Variants in SNX25 observed in about 807,000 individuals in gnomAD.
The protein encoded by SNX25 is sorting nexin-25.
SNX25 carries 62 observed loss-of-function variants against 113.7 expected under a neutral mutation model. The ratio of observed to expected loss-of-function variants is 0.55; its 90% CI spans 0.44 to 0.67. The LOEUF (loss-of-function observed/expected upper bound fraction) is 0.67, where lower values mean the gene tolerates loss of function less well. SNX25 is among the 30% of genes least tolerant of loss of function. The pLI is 0.00. For missense variants in SNX25, 1,014 were observed against 1,161.0 expected (o/e 0.87, Z 1.84); for synonymous variants, 421 against 436.2 (o/e 0.97, Z 0.43).
At chr4:185,226,290 G>C (rs1740987867) in intron 1 of SNX25, among the ~76,000 whole-genome samples, 1 of 152,164 alleles carries the variant, frequency 6.6e-6, no homozygotes, top group Admixed American at 6.5e-5. Context: ...TAACAGCCAG[G>C]CATATACTTT....
intron 1 of SNX25, among the ~76,000 whole-genome samples, chr4:185,229,943 C>T (rs3108251): frequency 0.13 from 19,332 of 152,116 alleles, 1,318 homozygotes; most frequent in African/African-American, 0.16. Flanking sequence ...ATCCTCCCAC[C>T]TCAGCCTCCT....
downstream of SNX25, chr4:185,364,738 A>G (rs560682551): frequency 1.3e-5 from 2 of 152,348 alleles, no homozygotes; most frequent in African/African-American, 4.8e-5. Flanking sequence ...GATAAAAATT[A>G]TCCTTCAAAA....
At chr4:185,302,103 T>TG (rs1489000212) in intron 6 of SNX25, among the ~76,000 whole-genome samples, 11 of 149,582 alleles carry the variant, frequency 7.4e-5, no homozygotes, top group Non-Finnish European at 1.5e-4. Context: ...TTTTTTTGTT[T>TG]TTTTTTTTTT....
At chr4:185,352,271 C>G (rs2095319402) in intron 14 of SNX25, among the ~76,000 whole-genome samples, 1 of 152,224 alleles carries the variant, frequency 6.6e-6, no homozygotes, top group African/African-American at 2.4e-5. Context: ...GCAAATTGCA[C>G]AGGACCAGCT....
intron 7 of SNX25, among the ~76,000 whole-genome samples, chr4:185,312,268 G>A (rs1172008792): frequency 2.0e-5 from 3 of 152,076 alleles, no homozygotes; most frequent in Non-Finnish European, 2.9e-5. Flanking sequence ...CTCTCAAAGA[G>A]TCCCATATAA....
At position 185,226,235 on chromosome 4, in the gene SNX25, C is replaced by T. The variant is rs529607176; in HGVS notation, c.429+15980C>T. On this transcript the variant is annotated intron_variant, in intron 1 of 18. Transcript: ENST00000652585. ...TGGCGGTGGTGCCTTTTGGATTCTG[C>T]GATCACTTTTTCTGCGGCTGTATTA... Among the ~76,000 whole-genome samples, 5 of 152,186 alleles carry T rather than the reference C, an allele frequency of 3.3e-5. No homozygotes were observed. The East Asian group carries it at 5.8e-4, about 18-fold the overall frequency.
At chr4:185,371,597 A>T (rs1386753635), downstream of SNX25, among the ~76,000 whole-genome samples, 1 of 151,658 alleles carries the variant, frequency 6.6e-6, no homozygotes, top group Admixed American at 6.6e-5. Flanking sequence ...TTATACCCAG[A>T]CACAAATATG....
In SNX25 at chr4:185,210,262, A is replaced by G; in HGVS notation, c.429+7A>G. The G allele has an allele frequency of 1.1e-5, 11 of 984,118 alleles. No homozygotes were observed. The highest frequency in any genetic ancestry group is 1.3e-5 in the Non-Finnish European group (11 of 829,728). The allele number at this position is 984,118 out of a possible 1,614,324, so 61.0% of individuals were successfully genotyped here. A position where few individuals can be genotyped will look rare whatever the true frequency, so the allele number is the denominator to read the frequency against. ...CGCCCGCCGCCCGCCGGGGGTAAGTACCCGACTCCTGGCCGCCCAGCTCCG... is the reference window on the plus strand; with the variant it reads ...CGCCCGCCGCCCGCCGGGGGTAAGTGCCCGACTCCTGGCCGCCCAGCTCCG... On this transcript the variant is annotated splice_region_variant and intron_variant, in intron 1 of 18. Transcript: ENST00000652585. This position sits in a 1 kb window ranked among gnomAD's most constrained non-coding sequence, Gnocchi z 4.4.
chr4:185,208,432 A>C (rs750428544), upstream of SNX25, among the ~76,000 whole-genome samples: 7 of 152,148 alleles, frequency 4.6e-5, no homozygotes, highest in Non-Finnish European at 1.0e-4. Context: ...AGAAGGTTTA[A>C]GAAAGAATGA....
chr4:185,235,694 C>T (rs534045531), intron 1 of SNX25, among the ~76,000 whole-genome samples: 1 of 152,242 alleles, frequency 6.6e-6, no homozygotes, highest in African/African-American at 2.4e-5. Context: ...GAGTTCAAGA[C>T]CAGCCTGGGC....
At chr4:185,204,428 G>C (rs980379329) in exon 1 of SNX25, 1 of 152,264 alleles carries the variant, frequency 6.6e-6, no homozygotes, top group African/African-American at 2.4e-5. Context: ...ACCAGAGGCT[G>C]GTTTCAGAAT....
chr4:185,322,792 G>A (rs146263806), intron 8 of SNX25, among the ~76,000 whole-genome samples: 3 of 152,294 alleles, frequency 2.0e-5, no homozygotes, highest in Admixed American at 6.5e-5. Context: ...TAGCTTCCTC[G>A]AAATAGCCTT....
intron 7 of SNX25, among the ~76,000 whole-genome samples, chr4:185,316,849 T>G (rs1302443401): frequency 6.6e-6 from 1 of 152,208 alleles, no homozygotes. Flanking sequence ...ACAGTTAGGA[T>G]TTTGTGCTTC....
chr4:185,245,355 T>TC (rs1560929806), intron 1 of SNX25, among the ~76,000 whole-genome samples: 1 of 151,998 alleles, frequency 6.6e-6, no homozygotes, highest in East Asian at 1.9e-4. Context: ...CTTTTTTTTT[T>TC]CTCCCAGACA....
chr4:185,375,743 GA>G, the SNX25 span: 1 of 1,504,084 alleles, frequency 6.6e-7, no homozygotes. Context: ...GCACCCAGAA[GA>G]TATTTAATTA....
At chr4:185,368,574 A>C (rs551953180), downstream of SNX25, among the ~76,000 whole-genome samples, 3 of 152,260 alleles carry the variant, frequency 2.0e-5, no homozygotes, top group African/African-American at 7.2e-5. Context: ...TCTGTTCCTC[A>C]TATCATGCGT....
downstream of SNX25, among the ~76,000 whole-genome samples, chr4:185,368,775 C>T (rs949882208): frequency 6.6e-6 from 1 of 151,038 alleles, no homozygotes; most frequent in Non-Finnish European, 1.5e-5. Flanking sequence ...GAAAATCGTT[C>T]TCAGATTGGA....
At chr4:185,254,701 C>G (rs556357402) in intron 2 of SNX25, among the ~76,000 whole-genome samples, 5 of 152,300 alleles carry the variant, frequency 3.3e-5, no homozygotes, top group Admixed American at 1.3e-4. Flanking sequence ...CTAACTAAAA[C>G]TAAAGTTCCA....
rs540213489 is a variant in SNX25, at chr4:185,257,601, T to C, written c.515-1247T>C. Among the ~76,000 whole-genome samples the C allele has an allele frequency of 2.6e-5, 4 of 152,352 alleles. No individual in the cohort carries two copies. The South Asian group carries it at 8.3e-4, about 32-fold the overall frequency. On this transcript the variant is annotated intron_variant, in intron 2 of 18. Coordinates refer to ENST00000652585, the MANE Select transcript of SNX25 (RefSeq NM_001378034.2). ...GTTTTACATAATTTTGTTAAATGGA[T>C]ATATTATTAAAGTGAATTTTACCTG...
Sources: gnomAD v4.1 joint callset for allele counts (sites outside exome capture counted in the v4.1 genomes callset) on GRCh38, gnomAD v4.1.1 for gene constraint, Gnocchi (gnomAD v3.1) non-coding constraint, MANE v1.5 for transcripts, NCBI Gene and HGNC (gene_info 2026-07-23, HGNC 2026-07-21) for gene names.